The following STARD13 variants were observed in gnomAD, a reference collection of about 807,000 sequenced individuals.
The protein encoded by STARD13 is stAR-related lipid transfer protein 13.
STARD13 carries 62 observed loss-of-function variants against 106.4 expected under a neutral mutation model. The ratio of observed to expected loss-of-function variants is 0.58; its 90% CI spans 0.48 to 0.72. The LOEUF (loss-of-function observed/expected upper bound fraction) is 0.72, where lower values mean the gene tolerates loss of function less well. Among genes scored for constraint, STARD13 ranks in the 30% least tolerant of loss-of-function variants. The probability of loss-of-function intolerance (pLI) is 0.00; values close to 1 mark genes in which losing one functional copy is unlikely to be tolerated. For synonymous variants in STARD13, 565 were observed against 553.0 expected (o/e 1.02, Z -0.31); for missense variants, 1,387 against 1,424.0 (o/e 0.97, Z 0.42).
chr13:33,136,925 G>A (rs1021722982), intron 4 of STARD13, among the ~76,000 whole-genome samples: 1 of 152,238 alleles, frequency 6.6e-6, no homozygotes. Context: ...GTCAGCCAGG[G>A]AGCCACAGGC....
chr13:33,325,629 C>G (rs546285180), intron 1 of STARD13, among the ~76,000 whole-genome samples: 3 of 152,084 alleles, frequency 2.0e-5, no homozygotes. Context: ...AAAATGCATA[C>G]ACTGCATCCC....
chr13:33,296,962 T>C (rs1400635174), intron 1 of STARD13, among the ~76,000 whole-genome samples: 1 of 152,210 alleles, frequency 6.6e-6, no homozygotes, highest in Admixed American at 6.5e-5. Context: ...AGATCATGCG[T>C]CATTGGTCTT....
At chr13:33,284,366 C>T (rs996100428) in intron 1 of STARD13, among the ~76,000 whole-genome samples, 2 of 152,164 alleles carry the variant, frequency 1.3e-5, no homozygotes, top group South Asian at 2.1e-4. Context: ...TGATTACAAA[C>T]CCCAACTTCC....
the STARD13 span, among the ~76,000 whole-genome samples, chr13:33,434,889 GGAAA>G: frequency 2.4e-4 from 32 of 132,094 alleles, no homozygotes; most frequent in East Asian, 6.0e-3. Flanking sequence ...AGGGAGGGAA[GGAAA>G]GAAGGAAGGA....
At chr13:33,384,521 T>C in the STARD13 span, among the ~76,000 whole-genome samples, 1 of 152,188 alleles carries the variant, frequency 6.6e-6, no homozygotes, top group African/African-American at 2.4e-5. Flanking sequence ...CAATGAACTT[T>C]AAAATGTAGC....
chr13:33,440,159 G>T, the STARD13 span, among the ~76,000 whole-genome samples: 1 of 151,862 alleles, frequency 6.6e-6, no homozygotes, highest in Non-Finnish European at 1.5e-5. Context: ...TGTGCCTGTA[G>T]TCTCAGCTAC....
intron 1 of STARD13, among the ~76,000 whole-genome samples, chr13:33,211,831 G>GTGTGTGTGTGTGTGTA (rs1786062466): frequency 1.1e-5 from 1 of 93,656 alleles, no homozygotes; most frequent in South Asian, 4.4e-4. Flanking sequence ...GTGTGTATGT[G>GTGTGTGTGTGTGTGTA]TGTGTGTGTG....
At chr13:33,226,009 A>C (rs1372911999) in intron 1 of STARD13, among the ~76,000 whole-genome samples, 2 of 152,200 alleles carry the variant, frequency 1.3e-5, no homozygotes, top group Non-Finnish European at 2.9e-5. Flanking sequence ...GGGTTAGTTA[A>C]GTCCTTATAA....
chr13:33,671,848 C>T, the STARD13 span, among the ~76,000 whole-genome samples: 3 of 152,210 alleles, frequency 2.0e-5, no homozygotes, highest in African/African-American at 7.2e-5. Context: ...TATAGTTCAA[C>T]CACTCTATCA....
the STARD13 span, among the ~76,000 whole-genome samples, chr13:33,663,855 T>C: frequency 6.6e-6 from 1 of 152,198 alleles, no homozygotes; most frequent in Non-Finnish European, 1.5e-5. Context: ...GGGTTCCAAA[T>C]GCCTCTTAAT....
intron 1 of STARD13, among the ~76,000 whole-genome samples, chr13:33,230,231 AT>A (rs1477142671): frequency 2.0e-5 from 3 of 152,238 alleles, no homozygotes; most frequent in African/African-American, 7.2e-5. Flanking sequence ...CAGCTGCAAC[AT>A]AAGATCATCA....
chr13:33,203,084 C>T (rs76362070), intron 1 of STARD13, among the ~76,000 whole-genome samples: 6 of 152,316 alleles, frequency 3.9e-5, no homozygotes, highest in East Asian at 3.9e-4. Context: ...CCAACCACCT[C>T]GTGCTACAGT....
the STARD13 span, among the ~76,000 whole-genome samples, chr13:33,422,234 C>T: frequency 6.6e-6 from 1 of 152,192 alleles, no homozygotes; most frequent in African/African-American, 2.4e-5. Flanking sequence ...AGCTGATACG[C>T]AACTTCGGTA....
Position 33,110,098 on chromosome 13 carries a change from A to G in STARD13, c.2830-8T>C. On this transcript the variant is annotated splice_polypyrimidine_tract_variant and splice_region_variant and intron_variant, in intron 11 of 13. Coordinates refer to ENST00000336934, the MANE Select transcript of STARD13 (RefSeq NM_178006.4). ...CGGGTTCCCGTCGCCCACCTTGGGA[A>G]AGACAACGTCAGAAGCTGAAGAGGT... 1.2e-6 allele frequency: 2 copies of G among 1,613,756 alleles called. No homozygotes were observed. The highest frequency in any genetic ancestry group is 1.1e-5 in the South Asian group (1 of 91,038).
At chr13:33,606,976 CTTTG>C in the STARD13 span, among the ~76,000 whole-genome samples, 1 of 152,142 alleles carries the variant, frequency 6.6e-6, no homozygotes, top group African/African-American at 2.4e-5. Context: ...GGGTTAATCT[CTTTG>C]TTTAAGGTCA....
At chr13:33,326,964 TG>T (rs1255757245) in intron 1 of STARD13, among the ~76,000 whole-genome samples, 1 of 152,226 alleles carries the variant, frequency 6.6e-6, no homozygotes, top group African/African-American at 2.4e-5. Context: ...GTGTGAACTG[TG>T]GTTGTATGCT....
At chr13:33,460,660 A>T in the STARD13 span, among the ~76,000 whole-genome samples, 1 of 152,078 alleles carries the variant, frequency 6.6e-6, no homozygotes, top group East Asian at 1.9e-4. Context: ...CTTCTCCCAA[A>T]TTAAAAAATA....
the STARD13 span, among the ~76,000 whole-genome samples, chr13:33,478,001 TG>T: frequency 2.0e-5 from 3 of 152,244 alleles, no homozygotes. Flanking sequence ...GACTCATGAC[TG>T]CTTCCTTACC....
chr13:33,321,101 A>G, intron 1 of STARD13, among the ~76,000 whole-genome samples: 1 of 152,324 alleles, frequency 6.6e-6, no homozygotes, highest in South Asian at 2.1e-4. Context: ...ATTATTGCTT[A>G]AAACTGACTG....
Sources: allele counts gnomAD v4.1 joint callset (sites outside exome capture counted in the v4.1 genomes callset), GRCh38; gene constraint gnomAD v4.1.1; transcripts MANE v1.5; gene names NCBI Gene and HGNC (gene_info 2026-07-23, HGNC 2026-07-21).